Variants in SOX13 observed in about 807,000 individuals in gnomAD.
SOX13 encodes transcription factor SOX-13.
Under a neutral mutation model 71.8 loss-of-function variants are expected in SOX13, and 28 were observed. That is an observed-to-expected ratio of 0.39 (90% CI 0.29 to 0.53). The LOEUF is 0.53. Among genes scored for constraint, SOX13 ranks in the 20% least tolerant of loss-of-function variants. The pLI, the probability that SOX13 is intolerant of heterozygous loss-of-function variation, is 0.70. For missense variants in SOX13, 627 were observed against 810.3 expected (o/e 0.77, Z 2.75); for synonymous variants, 309 against 317.8 (o/e 0.97, Z 0.29).
At chr1:204,093,897 T>G (rs1329873606) in intron 1 of SOX13, among the ~76,000 whole-genome samples, 2 of 152,148 alleles carry the variant, frequency 1.3e-5, no homozygotes, top group African/African-American at 2.4e-5. Context: ...AACTCGAACA[T>G]GGAAATCAGA....
chr1:204,113,875 C>T (rs1179837187), intron 2 of SOX13, among the ~76,000 whole-genome samples: 1 of 152,132 alleles, frequency 6.6e-6, no homozygotes, highest in African/African-American at 2.4e-5. Flanking sequence ...ACCTGCTCCC[C>T]TATGCAGCCC....
rs1026645521 is a variant in SOX13 at position 204,126,845 on chromosome 1, C to G, written c.*711C>G. ...CCCAAATTGCTACCTCTTTGTCAGT[C>G]TGGGTGTCTCAGGTTCTGTGTGTCC... On this transcript the variant is annotated 3_prime_UTR_variant, in exon 14 of 14. Coordinates refer to ENST00000367204, the MANE Select transcript of SOX13 (RefSeq NM_005686.3). 6.5e-6 allele frequency: 1 copy of G among 153,316 alleles called. No individual in the cohort carries two copies. The highest frequency in any genetic ancestry group is 2.4e-5 in the African/African-American group (1 of 41,426). 9.5% of individuals were successfully genotyped at this position (153,316 alleles called of 1,614,324 possible).
chr1:204,109,433 G>T (rs1656533659), intron 1 of SOX13, among the ~76,000 whole-genome samples: 1 of 152,134 alleles, frequency 6.6e-6, no homozygotes, highest in African/African-American at 2.4e-5. Flanking sequence ...TTGGATGTTT[G>T]GATACACAAA....
intron 1 of SOX13, among the ~76,000 whole-genome samples, chr1:204,098,772 AGAATGCTGCCT>A (rs1656303712): frequency 6.6e-5 from 10 of 152,180 alleles, no homozygotes; most frequent in Admixed American, 6.5e-4. Flanking sequence ...GGAGCCCTCC[AGAATGCTGCCT>A]TTGTTCATGA....
intron 13 of SOX13, among the ~76,000 whole-genome samples, chr1:204,125,535 C>G (rs1656902349): frequency 6.6e-6 from 1 of 152,208 alleles, no homozygotes; most frequent in Non-Finnish European, 1.5e-5. Context: ...TGTTCTCCAG[C>G]ATGGGTGACA....
Position 204,090,776 on chromosome 1 carries a change from T to C in SOX13, c.-2+17065T>C, listed in dbSNP as rs189307150. Among the ~76,000 whole-genome samples, 11 of 152,180 alleles carry C rather than the reference T, an allele frequency of 7.2e-5. No individual in the cohort carries two copies. The East Asian group carries it at 2.1e-3, about 29-fold the overall frequency. On this transcript the variant is annotated intron_variant, in intron 1 of 13. Coordinates refer to ENST00000367204, the MANE Select transcript of SOX13 (RefSeq NM_005686.3). ...TCAAATTCGATTCAGCACGGGTGAA[T>C]TTGGTAAGTGTGTATTGAGCATGGA...
intron 5 of SOX13, 78 bp from the exon 6 acceptor site, chr1:204,117,044 G>A: frequency 7.1e-7 from 1 of 1,411,280 alleles, no homozygotes; most frequent in Non-Finnish European, 9.9e-7. Flanking sequence ...TAGAAAGCAG[G>A]GTGTGGTTAG....
Position 204,121,942 on chromosome 1 carries a change from T to A in SOX13, c.818T>A (p.Val273Glu), listed in dbSNP as rs1656814499. The A allele has an allele frequency of 6.2e-7, 1 of 1,612,458 alleles. No homozygotes were observed. Among genetic ancestry groups the A allele is most frequent in the Non-Finnish European group, 8.5e-7 (1 of 1,178,736 alleles). The change falls in exon 8 of 14, where the codon GTG becomes GAG. Residue 273 changes from valine (V) to glutamate (E), a missense_variant. Val to Glu is a moderately radical substitution (Grantham distance 121). Transcript: ENST00000367204. ...LQLLHSPPAP[V>E]VKRPGAMATH... ...CTGCTGCACAGCCCCCCTGCCCCAG[T>A]GGTGAAGAGGCCTGGGGCCATGGCC...
intron 1 of SOX13, among the ~76,000 whole-genome samples, chr1:204,076,648 C>T (rs1292329659): frequency 6.6e-6 from 1 of 152,196 alleles, no homozygotes; most frequent in Non-Finnish European, 1.5e-5. Flanking sequence ...GCTGCCCAGC[C>T]ACACTGCCTT....
At chr1:204,102,900 T>C (rs923903175) in intron 1 of SOX13, among the ~76,000 whole-genome samples, 11 of 152,082 alleles carry the variant, frequency 7.2e-5, no homozygotes, top group African/African-American at 1.9e-4. Flanking sequence ...AAGTCCTTTT[T>C]CCATTAGCCA....
intron 7 of SOX13, 27 bp from the exon 8 acceptor site, chr1:204,121,873 C>G: frequency 2.6e-6 from 4 of 1,546,550 alleles, no homozygotes; most frequent in Non-Finnish European, 3.6e-6. Context: ...TCATCCAGGA[C>G]TTTTCTCCTT....
chr1:204,091,146 C>T (rs752639054), intron 1 of SOX13, among the ~76,000 whole-genome samples: 1 of 152,144 alleles, frequency 6.6e-6, no homozygotes, highest in African/African-American at 2.4e-5. Flanking sequence ...ATTTTTGCTG[C>T]CTTCCGTATT....
At chr1:204,105,765 TTC>T (rs1656457958) in intron 1 of SOX13, among the ~76,000 whole-genome samples, 1 of 152,110 alleles carries the variant, frequency 6.6e-6, no homozygotes, top group Non-Finnish European at 1.5e-5. Flanking sequence ...TGACCTCAGT[TTC>T]TCTGTTTATA....
rs75587398 is a variant in SOX13, at chr1:204,083,435, G to A, written c.-2+9724G>A. ...CTTCTGCTTTTCCTCAACCCACAGG[G>A]TCTTCTTTATATCCCTGCCTTCCTC... On this transcript the variant is annotated intron_variant, in intron 1 of 13. Coordinates refer to ENST00000367204, the MANE Select transcript of SOX13 (RefSeq NM_005686.3). Among the ~76,000 whole-genome samples, 294 of 152,238 alleles carry A rather than the reference G, an allele frequency of 1.9e-3. 3 individuals are homozygous for A. Among genetic ancestry groups the A allele is most frequent in the African/African-American group, 6.6e-3 (276 of 41,542 alleles).
chr1:204,080,123 C>T (rs1655872607), intron 1 of SOX13, among the ~76,000 whole-genome samples: 1 of 152,208 alleles, frequency 6.6e-6, no homozygotes, highest in African/African-American at 2.4e-5. Context: ...TGCCACCTTT[C>T]TTCCCAAATA....
intron 1 of SOX13, among the ~76,000 whole-genome samples, chr1:204,112,355 C>A (rs1260580216): frequency 2.6e-5 from 4 of 151,800 alleles, no homozygotes; most frequent in Admixed American, 6.6e-5. Context: ...GCAGGAGAAT[C>A]ACTTGAACCT....
intron 1 of SOX13, among the ~76,000 whole-genome samples, chr1:204,087,039 C>T (rs557802994): frequency 7.9e-4 from 120 of 152,274 alleles, no homozygotes; most frequent in African/African-American, 2.7e-3. Context: ...TCTCCTACCT[C>T]AGCCTCCCGA....
In SOX13 at chr1:204,114,543, T is replaced by C; in HGVS notation, c.356T>C (p.Leu119Ser). ...GTGGTGCCAGCCATAGAGAAGCTGT[T>C]GTCCAGTGACTGGAAGGAGAGGTTT... Reference protein sequence around the residue: ...KEVVPAIEKLLSSDWKERFLG... With the variant: ...KEVVPAIEKLSSSDWKERFLG... Residue 119 changes from leucine to serine, a missense_variant, in exon 4 of 14, where the codon TTG becomes TCG. This residue lies in a region of SOX13 where 447 missense variants were observed against 532.2 expected (regional missense o/e 0.84). Coordinates refer to ENST00000367204, the MANE Select transcript of SOX13 (RefSeq NM_005686.3). The C allele has an allele frequency of 1.9e-6, 3 of 1,613,904 alleles. No individual in the cohort carries two copies. Among genetic ancestry groups the C allele is most frequent in the Non-Finnish European group, 2.5e-6 (3 of 1,179,794 alleles).
At chr1:204,094,343 C>T (rs1337252179) in intron 1 of SOX13, among the ~76,000 whole-genome samples, 4 of 152,340 alleles carry the variant, frequency 2.6e-5, no homozygotes, top group Admixed American at 6.5e-5. Context: ...TCTAGACCCT[C>T]TCTGCAATTA....
Sources: allele counts gnomAD v4.1 joint callset (sites outside exome capture counted in the v4.1 genomes callset), GRCh38; gene constraint gnomAD v4.1.1; regional missense constraint gnomAD v4.1.1; transcripts MANE v1.5; gene names NCBI Gene and HGNC (gene_info 2026-07-23, HGNC 2026-07-21).